Variants in TSPAN5 observed in about 807,000 individuals in gnomAD.
TSPAN5 encodes tetraspanin 5.
Under a neutral mutation model 37.1 loss-of-function variants are expected in TSPAN5, and 10 were observed. The ratio of observed to expected loss-of-function variants is 0.27; its 90% CI spans 0.17 to 0.46. TSPAN5 has a LOEUF of 0.46. Among genes scored for constraint, TSPAN5 ranks in the 20% least tolerant of loss-of-function variants. The pLI, the probability that TSPAN5 is intolerant of heterozygous loss-of-function variation, is 1.00. For missense variants in TSPAN5, 195 were observed against 326.6 expected (o/e 0.60, Z 3.11); for synonymous variants, 110 against 118.9 (o/e 0.93, Z 0.48).
At chr4:98,509,916 C>T (rs2110288565) in intron 1 of TSPAN5, 1 of 152,348 alleles carries the variant, frequency 6.6e-6, no homozygotes, top group East Asian at 1.9e-4. Flanking sequence ...ACATCAAACA[C>T]AACCCAGTGA....
intron 1 of TSPAN5, among the ~76,000 whole-genome samples, chr4:98,631,971 G>A (rs984599444): frequency 2.0e-5 from 3 of 152,176 alleles, no homozygotes; most frequent in Non-Finnish European, 4.4e-5. Context: ...TACATCAGTA[G>A]AGAAATGGAT....
chr4:98,508,522 CTTTTTTTTT>C (rs34342433), intron 1 of TSPAN5, among the ~76,000 whole-genome samples: 1 of 121,930 alleles, frequency 8.2e-6, no homozygotes, highest in Non-Finnish European at 1.7e-5. Flanking sequence ...TACTGTTTTT[CTTTTTTTTT>C]TTTTTTTTTT....
chr4:98,583,015 T>C (rs912829206), intron 1 of TSPAN5, among the ~76,000 whole-genome samples: 2 of 152,180 alleles, frequency 1.3e-5, no homozygotes, highest in Non-Finnish European at 2.9e-5. Flanking sequence ...TACTTACCAT[T>C]AGAAAATAGA....
At chr4:98,593,865 G>A (rs1242249762) in intron 1 of TSPAN5, among the ~76,000 whole-genome samples, 2 of 55,336 alleles carry the variant, frequency 3.6e-5, no homozygotes, top group African/African-American at 3.1e-4. Context: ...TTTGAAGTCA[G>A]GTAGTGTGAT....
At chr4:98,518,913 T>C (rs1318346892) in intron 1 of TSPAN5, among the ~76,000 whole-genome samples, 1 of 152,246 alleles carries the variant, frequency 6.6e-6, no homozygotes, top group Non-Finnish European at 1.5e-5. Context: ...GTATGTGTTA[T>C]GGGTACCAAG....
intron 1 of TSPAN5, among the ~76,000 whole-genome samples, chr4:98,616,687 T>A (rs1187170061): frequency 6.6e-6 from 1 of 152,170 alleles, no homozygotes; most frequent in East Asian, 1.9e-4. Flanking sequence ...TTTCTATAAT[T>A]CGACACCATG....
intron 1 of TSPAN5, among the ~76,000 whole-genome samples, chr4:98,614,321 T>C (rs1157777991): frequency 1.3e-5 from 2 of 152,230 alleles, no homozygotes; most frequent in South Asian, 2.1e-4. Flanking sequence ...AATTCCGTCA[T>C]CAGCCTGTCA....
intron 1 of TSPAN5, among the ~76,000 whole-genome samples, chr4:98,543,581 A>T (rs1380283348): frequency 6.6e-6 from 1 of 150,496 alleles, no homozygotes; most frequent in Non-Finnish European, 1.5e-5. Flanking sequence ...ACGCCAGGCT[A>T]ATTTTTTTTT....
chr4:98,541,301 A>C (rs1037577498), intron 1 of TSPAN5, among the ~76,000 whole-genome samples: 1 of 152,170 alleles, frequency 6.6e-6, no homozygotes, highest in African/African-American at 2.4e-5. Flanking sequence ...TCTCTTGGCA[A>C]ACTCTGAGAG....
At chr4:98,601,301 C>T (rs183598334) in intron 1 of TSPAN5, among the ~76,000 whole-genome samples, 22 of 152,354 alleles carry the variant, frequency 1.4e-4, no homozygotes, top group African/African-American at 4.8e-4. Context: ...CTTCTCCTCT[C>T]TAGCTATGAA....
intron 1 of TSPAN5, among the ~76,000 whole-genome samples, chr4:98,631,057 G>GA (rs1473720823): frequency 1.3e-5 from 2 of 152,082 alleles, no homozygotes; most frequent in African/African-American, 2.4e-5. Context: ...GCCAGAACTT[G>GA]AAAAAAATCA....
chr4:98,598,390 C>G (rs1451529695), intron 1 of TSPAN5, among the ~76,000 whole-genome samples: 5 of 150,924 alleles, frequency 3.3e-5, no homozygotes, highest in African/African-American at 1.2e-4. Context: ...CAGAAATCAC[C>G]CGTCTTCTGC....
intron 1 of TSPAN5, among the ~76,000 whole-genome samples, chr4:98,554,080 T>TAAA (rs71600252): frequency 5.9e-4 from 80 of 134,986 alleles, no homozygotes; most frequent in South Asian, 9.6e-4. Context: ...AAAAAATAAA[T>TAAA]TAAAAAAAAA....
chr4:98,577,968 T>C (rs1247068352), intron 1 of TSPAN5, among the ~76,000 whole-genome samples: 2 of 152,254 alleles, frequency 1.3e-5, no homozygotes, highest in East Asian at 3.8e-4. Context: ...AAGAATTCCC[T>C]CAGAGATTCA....
chr4:98,544,107 G>A (rs1754418845), intron 1 of TSPAN5, among the ~76,000 whole-genome samples: 1 of 152,134 alleles, frequency 6.6e-6, no homozygotes, highest in Non-Finnish European at 1.5e-5. Flanking sequence ...TTAAGCCCAG[G>A]AGTTCAGGGC....
chr4:98,505,279 T>A (rs1233216076), intron 2 of TSPAN5, among the ~76,000 whole-genome samples: 2 of 152,174 alleles, frequency 1.3e-5, no homozygotes, highest in African/African-American at 2.4e-5. Context: ...TGGCTTCCCC[T>A]TGTACCTAGA....
At chr4:98,509,522 C>T (rs1042058085) in intron 1 of TSPAN5, among the ~76,000 whole-genome samples, 1 of 152,202 alleles carries the variant, frequency 6.6e-6, no homozygotes, top group African/African-American at 2.4e-5. Flanking sequence ...ACACACAATA[C>T]ATTCTGAGCC....
intron 1 of TSPAN5, among the ~76,000 whole-genome samples, chr4:98,564,711 T>C (rs1247177280): frequency 6.6e-6 from 1 of 152,016 alleles, no homozygotes; most frequent in Non-Finnish European, 1.5e-5. Context: ...TTTTTTTCTT[T>C]TTTGAGATGG....
chr4:98,578,294 T>C (rs1362965839), intron 1 of TSPAN5, among the ~76,000 whole-genome samples: 1 of 152,224 alleles, frequency 6.6e-6, no homozygotes, highest in African/African-American at 2.4e-5. Context: ...TACCCTTAAA[T>C]ACTTACATTT....
Sources: allele counts gnomAD v4.1 joint callset (sites outside exome capture counted in the v4.1 genomes callset), GRCh38; gene constraint gnomAD v4.1.1; transcripts MANE v1.5; gene names NCBI Gene and HGNC (gene_info 2026-07-23, HGNC 2026-07-21).